TMEM74: variants seen among roughly 807,000 people sequenced by gnomAD.
The protein encoded by TMEM74 is transmembrane protein 74.
TMEM74 carries 13 observed loss-of-function variants against 18.1 expected under a neutral mutation model. That is an observed-to-expected ratio of 0.72 (90% CI 0.47 to 1.14). TMEM74 has a LOEUF of 1.14. Ranked by LOEUF, TMEM74 falls within the 50% of genes most tolerant of loss-of-function variation. TMEM74 has a pLI of 0.00. For missense variants in TMEM74, 372 were observed against 375.9 expected, an observed-to-expected ratio of 0.99 and a Z score of 0.09; for synonymous variants, 159 against 146.6, an observed-to-expected ratio of 1.08 and a Z score of -0.61.
chr8:108,688,856 A>C (rs1295210140), intron 1 of TMEM74, among the ~76,000 whole-genome samples: 1 of 152,140 alleles, frequency 6.6e-6, no homozygotes, highest in East Asian at 1.9e-4. Flanking sequence ...GGACCATTGC[A>C]ATCTATTGTA....
chr8:108,774,632 C>G (rs185914085), downstream of TMEM74, among the ~76,000 whole-genome samples: 106 of 152,284 alleles, frequency 7.0e-4, 1 homozygote, highest in African/African-American at 2.1e-3. Flanking sequence ...TTGGACCTAC[C>G]TAAGTGGAAA....
At chr8:108,631,140 T>C (rs182880271) in intron 2 of TMEM74, among the ~76,000 whole-genome samples, 5 of 152,158 alleles carry the variant, frequency 3.3e-5, no homozygotes, top group African/African-American at 1.2e-4. Flanking sequence ...GATTTTTTTT[T>C]CCATTGTTGT....
At chr8:108,754,131 T>C (rs149867781) in intron 1 of TMEM74, among the ~76,000 whole-genome samples, 2 of 152,192 alleles carry the variant, frequency 1.3e-5, no homozygotes, top group African/African-American at 2.4e-5. Flanking sequence ...TAATCTACTA[T>C]CAGGCAATCT....
intron 1 of TMEM74, among the ~76,000 whole-genome samples, chr8:108,767,163 A>T (rs1195416098): frequency 6.6e-6 from 1 of 152,176 alleles, no homozygotes; most frequent in African/African-American, 2.4e-5. Context: ...ACAGTCTGAA[A>T]CCTGAAGAAT....
intron 1 of TMEM74, among the ~76,000 whole-genome samples, chr8:108,730,446 A>G (rs1172443770): frequency 6.6e-6 from 1 of 152,194 alleles, no homozygotes; most frequent in African/African-American, 2.4e-5. Context: ...ACAACTGTCT[A>G]CACCATTGTA....
chr8:108,656,297 G>A (rs1004255232), intron 1 of TMEM74, among the ~76,000 whole-genome samples: 3 of 152,154 alleles, frequency 2.0e-5, no homozygotes, highest in African/African-American at 7.2e-5. Flanking sequence ...CACAGTGAGT[G>A]GGTGAATAAG....
intron 1 of TMEM74, among the ~76,000 whole-genome samples, chr8:108,718,469 A>G (rs1348175554): frequency 6.6e-6 from 1 of 152,214 alleles, no homozygotes; most frequent in South Asian, 2.1e-4. Flanking sequence ...TCTGTTCACA[A>G]CAGCAGAAAG....
At chr8:108,622,177 C>T (rs1016996037) in intron 2 of TMEM74, among the ~76,000 whole-genome samples, 2 of 152,214 alleles carry the variant, frequency 1.3e-5, no homozygotes, top group African/African-American at 2.4e-5. Flanking sequence ...TTGCCATAAA[C>T]AGTCTAGGTA....
chr8:108,625,022 G>T (rs3019384), intron 2 of TMEM74, among the ~76,000 whole-genome samples: 66,421 of 151,850 alleles, frequency 0.44, 15,979 homozygotes, highest in East Asian at 0.71. Flanking sequence ...ATTTTCTGCA[G>T]AGTTTTCCCA....
chr8:108,685,447 C>T (rs1035526417), intron 1 of TMEM74, among the ~76,000 whole-genome samples: 4 of 152,034 alleles, frequency 2.6e-5, no homozygotes, highest in African/African-American at 9.7e-5. Flanking sequence ...TCTTGACTAA[C>T]TATTCTGGCT....
intron 2 of TMEM74, among the ~76,000 whole-genome samples, chr8:108,633,653 T>C (rs1434245268): frequency 6.6e-6 from 1 of 152,140 alleles, no homozygotes; most frequent in East Asian, 1.9e-4. Context: ...CCAGTCTTTG[T>C]TCTTATCCAT....
At chr8:108,657,325 T>C (rs1034438238) in intron 1 of TMEM74, among the ~76,000 whole-genome samples, 2 of 151,978 alleles carry the variant, frequency 1.3e-5, no homozygotes, top group African/African-American at 4.8e-5. Context: ...CCTGAGACTC[T>C]TGCTTACAAG....
At chr8:108,690,191 T>C (rs1221718088) in intron 1 of TMEM74, among the ~76,000 whole-genome samples, 2 of 152,184 alleles carry the variant, frequency 1.3e-5, no homozygotes, top group African/African-American at 4.8e-5. Context: ...ACAGGCTTAA[T>C]TGAAATTCAT....
chr8:108,676,047 G>C (rs1813053344), intron 1 of TMEM74, among the ~76,000 whole-genome samples: 1 of 152,182 alleles, frequency 6.6e-6, no homozygotes, highest in Admixed American at 6.5e-5. Context: ...AAACACTCTT[G>C]TAAAAGGTGG....
chr8:108,648,888 C>T (rs150507286), intron 2 of TMEM74, among the ~76,000 whole-genome samples: 93 of 152,192 alleles, frequency 6.1e-4, no homozygotes, highest in African/African-American at 2.0e-3. Flanking sequence ...TACTACGTTT[C>T]GGGGTGATTT....
chr8:108,688,473 C>A (rs571873032), intron 1 of TMEM74, among the ~76,000 whole-genome samples: 1 of 152,242 alleles, frequency 6.6e-6, no homozygotes, highest in African/African-American at 2.4e-5. Flanking sequence ...CCAGTCTCAG[C>A]CCCATGGCAT....
intron 1 of TMEM74, among the ~76,000 whole-genome samples, chr8:108,768,594 C>T (rs1814136148): frequency 6.6e-6 from 1 of 152,198 alleles, no homozygotes. Context: ...GTGTTGTAGA[C>T]TTTCACACCC....
intron 1 of TMEM74, among the ~76,000 whole-genome samples, chr8:108,726,908 C>A (rs1349787023): frequency 2.0e-5 from 3 of 151,974 alleles, no homozygotes; most frequent in Non-Finnish European, 4.4e-5. Flanking sequence ...GGGGTAGGAA[C>A]AAGTTTCATT....
intron 1 of TMEM74, among the ~76,000 whole-genome samples, chr8:108,705,829 C>G (rs1813391537): frequency 6.6e-6 from 1 of 152,208 alleles, no homozygotes; most frequent in South Asian, 2.1e-4. Flanking sequence ...CACAGATACT[C>G]TCATTAGAGA....
Sources: allele counts gnomAD v4.1 joint callset (sites outside exome capture counted in the v4.1 genomes callset), GRCh38; gene constraint gnomAD v4.1.1; transcripts MANE v1.5; gene names NCBI Gene and HGNC (gene_info 2026-07-23, HGNC 2026-07-21).